The following NCAM2 variants were observed in gnomAD, a reference collection of about 807,000 sequenced individuals.
The protein encoded by NCAM2 is N-CAM-2.
Under a neutral mutation model 98.1 loss-of-function variants are expected in NCAM2, and 30 were observed. That is an observed-to-expected ratio of 0.31 (90% CI 0.23 to 0.41). NCAM2 has a LOEUF of 0.41. NCAM2 is among the 10% of genes least tolerant of loss of function. The pLI, the probability that NCAM2 is intolerant of heterozygous loss-of-function variation, is 1.00. For missense variants in NCAM2, 867 were observed against 1,005.8 expected, an observed-to-expected ratio of 0.86 and a Z score of 1.87; for synonymous variants, 368 against 342.4, an observed-to-expected ratio of 1.07 and a Z score of -0.83.
intron 1 of NCAM2, among the ~76,000 whole-genome samples, chr21:21,259,064 G>A (rs2071786017): frequency 6.6e-6 from 1 of 152,072 alleles, no homozygotes; most frequent in South Asian, 2.1e-4. Flanking sequence ...TCCCCCTGAG[G>A]GTCGTCATGT....
chr21:21,170,316 G>C (rs557321328), intron 1 of NCAM2, among the ~76,000 whole-genome samples: 91 of 152,300 alleles, frequency 6.0e-4, no homozygotes, highest in Non-Finnish European at 1.0e-3. Context: ...CATTTATAGT[G>C]ACTTTATTTA....
intron 16 of NCAM2, among the ~76,000 whole-genome samples, chr21:21,527,033 A>G (rs1234782554): frequency 6.6e-6 from 1 of 152,064 alleles, no homozygotes. Flanking sequence ...AGAATAAAAC[A>G]TGGCAGATAA....
intron 1 of NCAM2, among the ~76,000 whole-genome samples, chr21:21,081,693 A>C (rs1370655716): frequency 1.3e-5 from 2 of 151,832 alleles, no homozygotes; most frequent in Admixed American, 6.6e-5. Context: ...CTCAGTTACT[A>C]GGGAGGCTGA....
intron 10 of NCAM2, among the ~76,000 whole-genome samples, chr21:21,417,563 T>C (rs558574384): frequency 1.8e-4 from 27 of 152,222 alleles, no homozygotes; most frequent in Non-Finnish European, 3.2e-4. Flanking sequence ...TATTCTCTCT[T>C]AATAATAGTT....
chr21:21,468,940 T>G (rs2212629), intron 14 of NCAM2, among the ~76,000 whole-genome samples, 157 bp downstream of exon 14: 1 of 151,746 alleles, frequency 6.6e-6, no homozygotes, highest in African/African-American at 2.4e-5. Context: ...ATTGTGATTT[T>G]TTTTTATTTT....
chr21:21,245,750 TTC>T (rs1413248516), intron 1 of NCAM2, among the ~76,000 whole-genome samples: 1 of 151,010 alleles, frequency 6.6e-6, no homozygotes, highest in Non-Finnish European at 1.5e-5. Context: ...GTTACATTAT[TTC>T]TTTCTTTCTT....
chr21:21,262,156 G>A lies in NCAM2; in HGVS notation c.56-18422G>A, dbSNP rs546913712. 2.0e-5 allele frequency among the ~76,000 whole-genome samples: 3 copies of A among 152,148 alleles called. No individual in the cohort carries two copies. The East Asian group carries it at 5.8e-4, about 29-fold the overall frequency. On this transcript the variant is annotated intron_variant, in intron 1 of 17. Transcript: ENST00000400546. ...CACACAACCTTCCAAGAATGAACCA[G>A]GAAGAAGTAGAAACTCTGAACAGAA...
At chr21:21,419,214 G>A (rs2077057323) in intron 11 of NCAM2, among the ~76,000 whole-genome samples, 1 of 150,526 alleles carries the variant, frequency 6.6e-6, no homozygotes, top group African/African-American at 2.4e-5. Context: ...CAGTGAGCAT[G>A]TACAATGTAT....
intron 1 of NCAM2, among the ~76,000 whole-genome samples, chr21:21,061,207 C>G (rs1210249259): frequency 2.6e-5 from 4 of 152,090 alleles, no homozygotes; most frequent in East Asian, 3.9e-4. Flanking sequence ...TATTTCCGTT[C>G]TAAAAGAGTT....
chr21:21,213,092 A>AATGT (rs987405111), intron 1 of NCAM2, among the ~76,000 whole-genome samples: 18 of 152,278 alleles, frequency 1.2e-4, no homozygotes, highest in African/African-American at 4.1e-4. Context: ...CAAATGAGTC[A>AATGT]ATGTATGAAT....
At chr21:21,098,992 G>A (rs977625223) in intron 1 of NCAM2, among the ~76,000 whole-genome samples, 2 of 151,740 alleles carry the variant, frequency 1.3e-5, no homozygotes, top group African/African-American at 4.8e-5. Context: ...ATCAAATGAG[G>A]AAACCAAGTC....
At position 21,542,937 on chromosome 21, in the gene NCAM2, TAAAG is replaced by T. The variant is rs1990289633; in HGVS notation, c.*4984_*4987del. The stretch of plus-strand genomic sequence containing the variant: ...GAACAAACCTACTTGTTCCAACTCT[TAAAG>T]AAATATTCATGGTTTAGCATTTGCC... On this transcript the variant is annotated 3_prime_UTR_variant, in exon 18 of 18. Coordinates refer to ENST00000400546, the MANE Select transcript of NCAM2 (RefSeq NM_004540.5). 2.6e-5 allele frequency: 4 copies of T among 151,904 alleles called. No individual in the cohort carries two copies. Among genetic ancestry groups the T allele is most frequent in the African/African-American group, 9.7e-5 (4 of 41,422 alleles). 9.4% of individuals were successfully genotyped at this position (151,904 alleles called of 1,614,324 possible).
At chr21:21,448,422 A>T (rs192061437) in intron 12 of NCAM2, among the ~76,000 whole-genome samples, 34 of 152,012 alleles carry the variant, frequency 2.2e-4, no homozygotes, top group Admixed American at 1.1e-3. Flanking sequence ...GGGAACTTAG[A>T]GGATAGGTCT....
rs138513377 is a variant in NCAM2 at position 21,457,367 on chromosome 21, C to T, written c.1655-9239C>T. On this transcript the variant is annotated intron_variant, in intron 12 of 17. Coordinates refer to ENST00000400546, the MANE Select transcript of NCAM2 (RefSeq NM_004540.5). ...GTTAAAAAGTGGCAAAGAGGTCTGACGCGGTGGCACACGCTTGTCATCCCA... is the reference window on the plus strand; with the variant it reads ...GTTAAAAAGTGGCAAAGAGGTCTGATGCGGTGGCACACGCTTGTCATCCCA... Among the ~76,000 whole-genome samples the T allele has an allele frequency of 3.7e-4, 56 of 152,222 alleles. 1 individual carries two copies. The East Asian group carries it at 9.3e-3, about 25-fold the overall frequency.
At chr21:21,277,574 T>C (rs527785913) in intron 1 of NCAM2, among the ~76,000 whole-genome samples, 38 of 151,870 alleles carry the variant, frequency 2.5e-4, no homozygotes, top group Non-Finnish European at 1.9e-4. Flanking sequence ...TGTGAGTCAG[T>C]TGGGGAGAGG....
At chr21:21,506,282 A>G (rs779585005) in intron 15 of NCAM2, among the ~76,000 whole-genome samples, 1 of 152,142 alleles carries the variant, frequency 6.6e-6, no homozygotes, top group Non-Finnish European at 1.5e-5. Flanking sequence ...GTAATGTGCA[A>G]CATATCTAAA....
intron 1 of NCAM2, among the ~76,000 whole-genome samples, chr21:21,041,284 A>C (rs9305997): frequency 0.08 from 12,232 of 152,196 alleles, 1,432 homozygotes; most frequent in African/African-American, 0.25. Flanking sequence ...AGTCTTTTGG[A>C]CGGTGTTGAC....
intron 1 of NCAM2, among the ~76,000 whole-genome samples, chr21:21,149,591 G>A (rs1478350876): frequency 2.0e-5 from 3 of 150,928 alleles, no homozygotes; most frequent in Non-Finnish European, 2.9e-5. Context: ...GACAGGGCCC[G>A]GTGTGTGCTG....
At chr21:21,524,517 C>T (rs1387799325) in intron 16 of NCAM2, among the ~76,000 whole-genome samples, 3 of 142,408 alleles carry the variant, frequency 2.1e-5, no homozygotes, top group African/African-American at 7.8e-5. Flanking sequence ...ACAACAAGAG[C>T]GAAACTCTGT....
Sources: allele counts gnomAD v4.1 joint callset (sites outside exome capture counted in the v4.1 genomes callset), GRCh38; gene constraint gnomAD v4.1.1; transcripts MANE v1.5; gene names NCBI Gene and HGNC (gene_info 2026-07-23, HGNC 2026-07-21).